Variants in NARS2 observed in about 807,000 individuals in gnomAD.
NARS2 encodes the protein asparaginyl-tRNA synthetase.
A neutral mutation model predicts 62.9 loss-of-function variants in NARS2; 60 were observed. The ratio of observed to expected loss-of-function variants is 0.95; its 90% confidence interval spans 0.77 to 1.18. NARS2 has a LOEUF of 1.18. Among genes scored for constraint, NARS2 ranks in the 50% most tolerant of loss-of-function variants. The pLI, the probability that NARS2 is intolerant of heterozygous loss-of-function variation, is 0.00. For synonymous variants in NARS2, 196 were observed against 200.0 expected (o/e 0.98, Z 0.17); for missense variants, 619 against 576.4 (o/e 1.07, Z -0.76).
chr11:78,457,819 CACACACACAA>C (rs1488190075), intron 11 of NARS2, among the ~76,000 whole-genome samples: 11 of 127,222 alleles, frequency 8.6e-5, no homozygotes, highest in South Asian at 5.0e-4. Context: ...CACACACACA[CACACACACAA>C]ACACACACAC....
At chr11:78,466,262 T>TCCCCCA (rs1329153992) in intron 10 of NARS2, among the ~76,000 whole-genome samples, 1 of 137,736 alleles carries the variant, frequency 7.3e-6, no homozygotes, top group Non-Finnish European at 1.6e-5. Context: ...TCCCCATTGC[T>TCCCCCA]CCCCCACCCC....
chr11:78,563,241 C>CA (rs1391586495), intron 4 of NARS2, among the ~76,000 whole-genome samples: 1 of 104,942 alleles, frequency 9.5e-6, no homozygotes, highest in Non-Finnish European at 1.8e-5. Context: ...TTTTTTGAGA[C>CA]AGAGTCTTAC....
intron 6 of NARS2, among the ~76,000 whole-genome samples, chr11:78,510,502 C>A (rs965054317): frequency 6.6e-6 from 1 of 152,038 alleles, no homozygotes. Flanking sequence ...AGGGAAAAAA[C>A]AGTTTTACAA....
Position 78,469,313 on chromosome 11 carries a change from G to C in NARS2, c.960C>G (p.Ile320Met), listed in dbSNP as rs1390994252. The C allele has an allele frequency of 6.2e-7, 1 of 1,612,072 alleles. No individual in the cohort carries two copies. Among genetic ancestry groups the C allele is most frequent in the Admixed American group, 1.7e-5 (1 of 60,024 alleles). The change falls in exon 10 of 14, where the codon ATC becomes ATG. Residue 320 changes from isoleucine (I) to methionine (M), a missense_variant and splice_region_variant. Coordinates refer to ENST00000281038, the MANE Select transcript of NARS2 (RefSeq NM_024678.6). ...LEHMLKNNFL[I>M]ISYTEAVEIL... ...TCTCCACTGCTTCAGTATAAGAAAT[G>C]CTGGAGGAAAACAGGATACAAGCAG...
At chr11:78,447,045 C>CAAA (rs145933087) in intron 11 of NARS2, among the ~76,000 whole-genome samples, 13 of 144,422 alleles carry the variant, frequency 9.0e-5, no homozygotes, top group African/African-American at 3.3e-4. Context: ...AGACATTTCT[C>CAAA]AAAAAAAAAA....
chr11:78,478,549 G>A, intron 8 of NARS2, 36 bp downstream of exon 8: 2 of 1,382,546 alleles, frequency 1.4e-6, no homozygotes, highest in Non-Finnish European at 2.0e-6. Context: ...ACATTAAACA[G>A]TAGATGTATT....
At chr11:78,441,248 A>C in intron 12 of NARS2, 131 bp from the exon 13 acceptor site, 1 of 715,696 alleles carries the variant, frequency 1.4e-6, no homozygotes, top group Non-Finnish European at 2.3e-6. Context: ...GCTCTCAAGT[A>C]ATACTCAATA....
chr11:78,436,603 T>C lies in NARS2; in HGVS notation c.*67A>G, dbSNP rs1487547432. On this transcript the variant is annotated 3_prime_UTR_variant, in exon 14 of 14. Coordinates refer to ENST00000281038, the MANE Select transcript of NARS2 (RefSeq NM_024678.6). ...ATTTCTAAAATCCAAACATGCATTC[T>C]GCTGTATGCACAATCATGTGCAGTG... The C allele has an allele frequency of 8.0e-6, 12 of 1,502,634 alleles. No individual in the cohort carries two copies. The African/African-American group carries it at 1.7e-4, about 21-fold the overall frequency. The allele number at this position is 1,502,634 out of a possible 1,614,324, so 93.1% of individuals were successfully genotyped here.
In NARS2 at chr11:78,465,762, A is replaced by G. The variant is rs73504947; in HGVS notation, c.1164+114T>C. On this transcript the variant is annotated intron_variant, in intron 11 of 13. Transcript: ENST00000281038. ...TTTTTAAGAGATGTCTTTGAAAAAC[A>G]TTATCATTTTAAGAGATAGAGTGAT... The G allele has an allele frequency of 8.5e-3, 10,368 of 1,215,262 alleles. 701 individuals carry two copies. In the African/African-American group the frequency reaches 0.14, roughly 17 times the overall value. The allele number at this position is 1,215,262 out of a possible 1,614,324, so 75.3% of individuals were successfully genotyped here.
intron 6 of NARS2, among the ~76,000 whole-genome samples, chr11:78,521,573 G>A (rs1273133170): frequency 1.3e-5 from 2 of 152,146 alleles, no homozygotes; most frequent in South Asian, 2.1e-4. Flanking sequence ...AGCGGATCAC[G>A]AGGTCAGGAG....
chr11:78,546,920 T>C (rs1379235637), intron 5 of NARS2, among the ~76,000 whole-genome samples: 2 of 152,246 alleles, frequency 1.3e-5, no homozygotes, highest in Admixed American at 1.3e-4. Flanking sequence ...GAAGCACTAC[T>C]TGATGCAACA....
At chr11:78,536,942 A>G (rs1855378759) in intron 5 of NARS2, among the ~76,000 whole-genome samples, 1 of 152,174 alleles carries the variant, frequency 6.6e-6, no homozygotes, top group African/African-American at 2.4e-5. Context: ...TACAATTTCT[A>G]TGTTATGTAT....
intron 11 of NARS2, among the ~76,000 whole-genome samples, chr11:78,465,594 T>TACAAA (rs775653540): frequency 2.0e-5 from 3 of 152,094 alleles, no homozygotes; most frequent in Non-Finnish European, 4.4e-5. Flanking sequence ...TCTCAGTCAT[T>TACAAA]ACAAAACAAA....
chr11:78,538,994 C>CAAAAAAAAAAAAAAAAAAAAAA (rs59917269), intron 5 of NARS2, among the ~76,000 whole-genome samples: 1 of 49,794 alleles, frequency 2.0e-5, no homozygotes, highest in Non-Finnish European at 3.1e-5. Context: ...GAATCCGTCT[C>CAAAAAAAAAAAAAAAAAAAAAA]AAAAAAAAAA....
chr11:78,464,240 G>A (rs1686735342), intron 11 of NARS2, among the ~76,000 whole-genome samples: 1 of 152,128 alleles, frequency 6.6e-6, no homozygotes, highest in Non-Finnish European at 1.5e-5. Flanking sequence ...TGAAGCTGCA[G>A]ATCTTCGCGG....
chr11:78,567,722 A>G (rs1345693151), intron 3 of NARS2, among the ~76,000 whole-genome samples: 3 of 152,182 alleles, frequency 2.0e-5, no homozygotes, highest in Non-Finnish European at 2.9e-5. Context: ...TTCTTCTTTT[A>G]TTTCCTTACA....
Position 78,574,472 on chromosome 11 carries a change from C to A in NARS2, c.17G>T (p.Cys6Phe). 2 of 1,612,742 alleles carry A rather than the reference C, an allele frequency of 1.2e-6. No homozygotes were observed. The highest frequency in any genetic ancestry group is 1.7e-6 in the Non-Finnish European group (2 of 1,179,534). MLGVR[C>F]LLRSVRFCSS... ...ACAGAAGCGCACGGACCGCAGCAGG[C>A]AGCGGACCCCCAGCATCCCGCGTCC... Residue 6 changes from cysteine to phenylalanine, a missense_variant, in exon 1 of 14, where the codon TGC becomes TTC. Coordinates refer to ENST00000281038, the MANE Select transcript of NARS2 (RefSeq NM_024678.6).
At position 78,459,245 on chromosome 11, in the gene NARS2, CGTT is replaced by C. The variant is rs777130147; in HGVS notation, c.1164+6628_1164+6630del. 4.8e-4 allele frequency among the ~76,000 whole-genome samples: 70 copies of C among 146,776 alleles called. 2 individuals carry two copies. Among genetic ancestry groups the C allele is most frequent in the South Asian group, 3.0e-3 (14 of 4,672 alleles). On this transcript the variant is annotated intron_variant, in intron 11 of 13. Coordinates refer to ENST00000281038, the MANE Select transcript of NARS2 (RefSeq NM_024678.6). ...ATGATCTGATGGTGGTTTTTTTTGT[CGTT>C]GTTTTTTTTTTGTTTTGTTTTGTTT...
chr11:78,470,314 T>TA (rs1858813873), intron 9 of NARS2, among the ~76,000 whole-genome samples: 2 of 152,072 alleles, frequency 1.3e-5, no homozygotes, highest in Non-Finnish European at 1.5e-5. Context: ...TACATAGTTT[T>TA]AAAAAAAATC....
Sources: allele counts gnomAD v4.1 joint callset (sites outside exome capture counted in the v4.1 genomes callset), GRCh38; gene constraint gnomAD v4.1.1; transcripts MANE v1.5; gene names NCBI Gene and HGNC (gene_info 2026-07-23, HGNC 2026-07-21).